Variants in CEP83 observed in about 807,000 individuals in gnomAD.
CEP83 encodes the protein centrosomal protein 83, also known as centrosomal protein of 83 kDa.
Under a neutral mutation model 101.9 loss-of-function variants are expected in CEP83, and 70 were observed. That is an observed-to-expected ratio of 0.69 (90% CI 0.57 to 0.84). The LOEUF (loss-of-function observed/expected upper bound fraction) is 0.84. CEP83 is among the 40% of genes least tolerant of loss of function. The pLI is 0.00. For synonymous variants in CEP83, 264 were observed against 267.9 expected, an observed-to-expected ratio of 0.99 and a Z score of 0.14; for missense variants, 715 against 787.2, an observed-to-expected ratio of 0.91 and a Z score of 1.10.
the CEP83 span, among the ~76,000 whole-genome samples, chr12:94,269,104 C>T: frequency 7.9e-5 from 12 of 152,142 alleles, no homozygotes; most frequent in South Asian, 2.1e-4. Flanking sequence ...ACCAATAACT[C>T]GTAGCAAGCG....
the CEP83 span, among the ~76,000 whole-genome samples, chr12:94,267,422 A>C: frequency 1.3e-5 from 2 of 152,202 alleles, no homozygotes; most frequent in Admixed American, 6.5e-5. Context: ...TCATCATCAT[A>C]ATGTTACTTG....
At chr12:94,297,803 G>A in the CEP83 span, among the ~76,000 whole-genome samples, 1 of 152,154 alleles carries the variant, frequency 6.6e-6, no homozygotes, top group Non-Finnish European at 1.5e-5. Flanking sequence ...GGGATGGGAA[G>A]GGTCAATGAC....
At chr12:94,437,264 G>C (rs1022399407) in intron 1 of CEP83, among the ~76,000 whole-genome samples, 1 of 152,078 alleles carries the variant, frequency 6.6e-6, no homozygotes, top group Non-Finnish European at 1.5e-5. Flanking sequence ...ACAATCACCT[G>C]AACCTGGCAG....
chr12:94,340,618 G>C (rs1302018029), intron 11 of CEP83, among the ~76,000 whole-genome samples: 3 of 152,092 alleles, frequency 2.0e-5, no homozygotes, highest in Non-Finnish European at 4.4e-5. Flanking sequence ...TGTATTTTCA[G>C]TAGAGATGGG....
At chr12:94,310,141 GT>G in intron 15 of CEP83, 34 bp from the exon 16 acceptor site, 1 of 1,152,542 alleles carries the variant, frequency 8.7e-7, no homozygotes, top group Non-Finnish European at 1.2e-6. Flanking sequence ...CTTTAACATG[GT>G]TATACCCTAT....
intron 11 of CEP83, among the ~76,000 whole-genome samples, chr12:94,343,639 G>T (rs1046738711): frequency 6.7e-6 from 1 of 150,172 alleles, no homozygotes; most frequent in Admixed American, 6.6e-5. Context: ...ACAGGCGCCC[G>T]CCACCGCGCC....
intron 11 of CEP83, among the ~76,000 whole-genome samples, chr12:94,357,877 C>T (rs2060557430): frequency 6.6e-6 from 1 of 152,092 alleles, no homozygotes; most frequent in African/African-American, 2.4e-5. Flanking sequence ...CCTGATTGTG[C>T]CGTATGTGGG....
In CEP83 at chr12:94,331,689, GA is replaced by G; in HGVS notation, c.1707+10del. On this transcript the variant is annotated intron_variant, in intron 14 of 16. Coordinates refer to ENST00000397809, the MANE Select transcript of CEP83 (RefSeq NM_016122.3). The stretch of plus-strand genomic sequence containing the variant: ...GCCTGGCCAGAGATCACTTTAATAA[GA>G]ACCACTTGCCTTTTTCTGGGCAATT... The G allele has an allele frequency of 6.2e-7, 1 of 1,612,738 alleles. No individual in the cohort carries two copies. The highest frequency in any genetic ancestry group is 8.5e-7 in the Non-Finnish European group (1 of 1,179,630).
At chr12:94,389,807 G>C (rs1468073962) in intron 6 of CEP83, among the ~76,000 whole-genome samples, 1 of 152,218 alleles carries the variant, frequency 6.6e-6, no homozygotes, top group African/African-American at 2.4e-5. Context: ...AGCAAACAAG[G>C]AGATTCTCTC....
At chr12:94,358,987 C>A (rs541107736) in intron 11 of CEP83, among the ~76,000 whole-genome samples, 8 of 152,378 alleles carry the variant, frequency 5.3e-5, no homozygotes, top group Non-Finnish European at 1.0e-4. Context: ...GGGCAGAAAA[C>A]TGCTTAAAGG....
At chr12:94,379,102 A>G in intron 6 of CEP83, 60 bp from the exon 7 acceptor site, 1 of 1,365,368 alleles carries the variant, frequency 7.3e-7, no homozygotes, top group Non-Finnish European at 1.0e-6. Flanking sequence ...AGTCATGAAC[A>G]TGCTTTACAA....
In CEP83 at chr12:94,333,494, A is replaced by G. The variant is rs150415429; in HGVS notation, c.1565T>C (p.Leu522Pro). 6.2e-7 allele frequency: 1 copy of G among 1,613,174 alleles called. No individual in the cohort carries two copies. The highest frequency in any genetic ancestry group is 1.7e-4 in the Middle Eastern group (1 of 6,060). ...NFRSQAEKAQLEAEKTLEEKQ... is the reference protein window; with the variant it reads ...NFRSQAEKAQPEAEKTLEEKQ... ...GAGCAAACTCTACTTTTCAGCTTCT[A>G]GTTGCGCTTTTTCAGCTTGGCTTCT... Residue 522 changes from leucine (L) to proline (P), a missense_variant, in exon 13 of 17, where the codon CTA (leucine) becomes CCA (proline). Leu to Pro is a moderately conservative substitution (Grantham distance 98, BLOSUM62 -3). Transcript: ENST00000397809.
intron 1 of CEP83, among the ~76,000 whole-genome samples, chr12:94,441,538 A>T (rs2066396015): frequency 6.6e-6 from 1 of 152,246 alleles, no homozygotes; most frequent in South Asian, 2.1e-4. Flanking sequence ...ACAAGGATGT[A>T]GTGAAAAGGG....
At chr12:94,357,257 T>A (rs898199076) in intron 11 of CEP83, among the ~76,000 whole-genome samples, 1 of 152,146 alleles carries the variant, frequency 6.6e-6, no homozygotes, top group Admixed American at 6.5e-5. Flanking sequence ...TAAAGCTACC[T>A]TGTTGGCACA....
chr12:94,368,854 T>C (rs1177557630), intron 9 of CEP83: 2 of 152,162 alleles, frequency 1.3e-5, no homozygotes, highest in Non-Finnish European at 2.9e-5. Flanking sequence ...AATTAACAAT[T>C]GGAAAAAATC....
chr12:94,335,939 C>G, intron 11 of CEP83: 1 of 300,118 alleles, frequency 3.3e-6, no homozygotes, highest in South Asian at 6.8e-5. Flanking sequence ...TGGATAAAAA[C>G]CTGACAGGTA....
At chr12:94,296,167 T>C in the CEP83 span, among the ~76,000 whole-genome samples, 2 of 152,144 alleles carry the variant, frequency 1.3e-5, no homozygotes, top group Non-Finnish European at 2.9e-5. Flanking sequence ...CTCGTCTCTC[T>C]CATCTTTATT....
intron 1 of CEP83, among the ~76,000 whole-genome samples, chr12:94,441,751 T>C (rs2066416425): frequency 6.6e-6 from 1 of 151,834 alleles, no homozygotes; most frequent in Admixed American, 6.6e-5. Flanking sequence ...CCGTCTCTAC[T>C]AAAAATACAA....
the CEP83 span, among the ~76,000 whole-genome samples, chr12:94,274,155 TAAAAAAAAAAAAA>T: frequency 5.6e-3 from 253 of 45,366 alleles, 2 homozygotes; most frequent in African/African-American, 0.027. Flanking sequence ...ACCCTGTCTC[TAAAAAAAAAAAAA>T]AAAAAAAAAA....
Sources: allele counts gnomAD v4.1 joint callset (sites outside exome capture counted in the v4.1 genomes callset), GRCh38; gene constraint gnomAD v4.1.1; transcripts MANE v1.5; gene names NCBI Gene and HGNC (gene_info 2026-07-23, HGNC 2026-07-21).